ECE1: variants seen among roughly 807,000 people sequenced by gnomAD.
ECE1 encodes endothelin converting enzyme 1.
ECE1 carries 35 observed loss-of-function variants against 98.6 expected under a neutral mutation model. The ratio of observed to expected loss-of-function variants is 0.35; its 90% CI spans 0.27 to 0.47. The LOEUF (loss-of-function observed/expected upper bound fraction) is 0.47, where lower values mean the gene tolerates loss of function less well. ECE1 is among the 20% of genes least tolerant of loss of function. The pLI is 1.00. For synonymous variants in ECE1, 394 were observed against 407.1 expected, an observed-to-expected ratio of 0.97 and a Z score of 0.39; for missense variants, 814 against 1,025.3, an observed-to-expected ratio of 0.79 and a Z score of 2.81.
intron 6 of ECE1, 51 bp from the exon 7 acceptor site, chr1:21,257,641 C>T (rs919954847): frequency 1.3e-6 from 2 of 1,577,254 alleles, no homozygotes; most frequent in African/African-American, 1.3e-5. Flanking sequence ...ATGCGTGTAT[C>T]CACTGCACGG....
chr1:21,290,287 C>T lies in ECE1; in HGVS notation c.51+77G>A. 2 of 1,280,520 alleles carry T rather than the reference C, an allele frequency of 1.6e-6. No individual in the cohort carries two copies. Among genetic ancestry groups the T allele is most frequent in the Non-Finnish European group, 2.0e-6 (2 of 1,014,294 alleles). 79.3% of individuals were successfully genotyped at this position (1,280,520 alleles called of 1,614,324 possible). A position where few individuals can be genotyped will look rare whatever the true frequency, so the allele number is the denominator to read the frequency against. ...CGGCCTGGACACCCGAGACCGAGAC[C>T]GGCCCACGGAGCGGCCCGCGCGGGG... On this transcript the variant is annotated intron_variant, in intron 1 of 18. Coordinates refer to ENST00000374893, the MANE Select transcript of ECE1 (RefSeq NM_001397.3). This position sits in a 1 kb window ranked among gnomAD's most constrained non-coding sequence, Gnocchi z 7.3.
At chr1:21,326,111 C>T (rs926132918) in intron 1 of ECE1, among the ~76,000 whole-genome samples, 4 of 152,152 alleles carry the variant, frequency 2.6e-5, no homozygotes, top group Admixed American at 6.5e-5. Flanking sequence ...TTTCCTGCCT[C>T]CTCTCAGCCC....
chr1:21,292,656 C>A (rs1638233302), upstream of ECE1, among the ~76,000 whole-genome samples: 1 of 152,186 alleles, frequency 6.6e-6, no homozygotes, highest in Non-Finnish European at 1.5e-5. Flanking sequence ...TCTCCATCAC[C>A]CGGCACAGAG....
In ECE1 at chr1:21,345,238, G is replaced by C; in HGVS notation, c.3+138C>G. The stretch of plus-strand genomic sequence containing the variant: ...CTCCCCGACTCCACGCCTTCCGAGA[G>C]CCGGGCGGGGGCTGCTGCTGCAGCC... On this transcript the variant is annotated intron_variant, in intron 1 of 18. Coordinates refer to the ECE1 transcript ENST00000415912. This position sits in a 1 kb window ranked among gnomAD's most constrained non-coding sequence, Gnocchi z 5.1. The C allele has an allele frequency of 1.8e-6, 2 of 1,126,916 alleles. No homozygotes were observed. Among genetic ancestry groups the C allele is most frequent in the Non-Finnish European group, 2.2e-6 (2 of 912,308 alleles). The allele number at this position is 1,126,916 out of a possible 1,614,324, so 69.8% of individuals were successfully genotyped here. A position where few individuals can be genotyped will look rare whatever the true frequency, so the allele number is the denominator to read the frequency against.
At chr1:21,339,437 A>G (rs935107060) in intron 1 of ECE1, among the ~76,000 whole-genome samples, 2 of 152,084 alleles carry the variant, frequency 1.3e-5, no homozygotes, top group African/African-American at 4.8e-5. Context: ...AATAATCTAG[A>G]GGAATCGGGG....
chr1:21,328,385 G>C (rs1639127323), intron 1 of ECE1, among the ~76,000 whole-genome samples: 1 of 152,220 alleles, frequency 6.6e-6, no homozygotes, highest in Non-Finnish European at 1.5e-5. Flanking sequence ...CTGGCACATA[G>C]TGGGTCCTCA....
chr1:21,227,969 C>A lies in ECE1; in HGVS notation c.1743G>T (p.Gly581=). 6.4e-7 allele frequency: 1 copy of A among 1,558,572 alleles called. No individual in the cohort carries two copies. The highest frequency in any genetic ancestry group is 8.7e-7 in the Non-Finnish European group (1 of 1,150,212). Residue 581 remains glycine (G), a synonymous_variant, in exon 15 of 19, where the codon GGG becomes GGT. Coordinates refer to ENST00000374893, the MANE Select transcript of ECE1 (RefSeq NM_001397.3). ...GTGTGTAGAATGGTGCCTGCAGGAT[C>A]CCGGCCGGAAACACAATCTCATTCT... ...PTKNEIVFPA[G]ILQAPFYTRS...
intron 17 of ECE1, 91 bp from the exon 18 acceptor site, chr1:21,221,933 T>C: frequency 2.6e-6 from 3 of 1,160,660 alleles, no homozygotes; most frequent in Non-Finnish European, 3.9e-6. Context: ...CTCCCCCGTG[T>C]TGGGGCAAGG....
At chr1:21,306,346 T>C (rs78778088) in intron 1 of ECE1, among the ~76,000 whole-genome samples, 2 of 151,860 alleles carry the variant, frequency 1.3e-5, no homozygotes, top group East Asian at 3.9e-4. Context: ...TTTTTTTTTT[T>C]CAGATGGAGT....
At chr1:21,332,667 G>A (rs1331261095) in intron 1 of ECE1, among the ~76,000 whole-genome samples, 2 of 75,568 alleles carry the variant, frequency 2.6e-5, no homozygotes, top group African/African-American at 5.7e-5. Context: ...GGAGGAGAGC[G>A]GAGGAGACAG....
chr1:21,299,992 T>A (rs1638448918), intron 1 of ECE1, among the ~76,000 whole-genome samples: 1 of 152,138 alleles, frequency 6.6e-6, no homozygotes, highest in Non-Finnish European at 1.5e-5. Context: ...CTCAATGAGC[T>A]CATATCCTGA....
At chr1:21,311,509 C>CAAAAAAAAAAAAAA (rs397979522) in intron 1 of ECE1, among the ~76,000 whole-genome samples, 41 of 74,286 alleles carry the variant, frequency 5.5e-4, no homozygotes, top group South Asian at 1.2e-3. Context: ...CCTGTCTCCA[C>CAAAAAAAAAAAAAA]AAAAAAAAAA....
intron 2 of ECE1, among the ~76,000 whole-genome samples, chr1:21,285,796 A>C (rs1309092187): frequency 6.6e-6 from 1 of 151,986 alleles, no homozygotes; most frequent in Non-Finnish European, 1.5e-5. Context: ...GTTTGAGGCC[A>C]GGCTGGCCAA....
chr1:21,222,177 C>T, intron 17 of ECE1: 1 of 367,172 alleles, frequency 2.7e-6, no homozygotes, highest in South Asian at 2.4e-5. Flanking sequence ...TGTGCATGCA[C>T]ACACACACAC....
chr1:21,290,538 G>A (rs979179205), upstream of ECE1: 1 of 1,191,858 alleles, frequency 8.4e-7, no homozygotes, highest in Non-Finnish European at 1.0e-6. The surrounding 1 kb of genome is among the most constrained non-coding windows in gnomAD (Gnocchi z 7.3). Flanking sequence ...CCCAACCTCC[G>A]GCCTCCCGGG....
At chr1:21,251,283 C>T (rs2098212497) in intron 8 of ECE1, among the ~76,000 whole-genome samples, 1 of 152,142 alleles carries the variant, frequency 6.6e-6, no homozygotes, top group African/African-American at 2.4e-5. Context: ...GAGGCCAAGA[C>T]AGGAGAATCA....
chr1:21,227,871 TG>T, intron 15 of ECE1, 59 bp downstream of exon 15: 1 of 1,374,584 alleles, frequency 7.3e-7, no homozygotes, highest in East Asian at 2.5e-5. Flanking sequence ...TTAGGTCGTA[TG>T]GGCCCCAGGG....
At position 21,219,830 on chromosome 1, in the gene ECE1, A is replaced by G; in HGVS notation, c.*125T>C. 1 of 1,307,186 alleles carries G rather than the reference A, an allele frequency of 7.7e-7. No individual in the cohort carries two copies. The highest frequency in any genetic ancestry group is 1.1e-6 in the Non-Finnish European group (1 of 931,472). 81.0% of individuals were successfully genotyped at this position (1,307,186 alleles called of 1,614,324 possible). A position where few individuals can be genotyped will look rare whatever the true frequency, so the allele number is the denominator to read the frequency against. ...ACCATGGGCTCGGTTCCGGCTGAAA[A>G]CCCGCCAGTGTGAGGAAGCAGGGCC... is the stretch of plus-strand genomic sequence containing the variant. On this transcript the variant is annotated 3_prime_UTR_variant, in exon 19 of 19. Coordinates refer to ENST00000374893, the MANE Select transcript of ECE1 (RefSeq NM_001397.3). This position sits in a 1 kb window ranked among gnomAD's most constrained non-coding sequence, Gnocchi z 4.5.
At chr1:21,299,231 G>A (rs765480047) in intron 1 of ECE1, 3 of 209,206 alleles carry the variant, frequency 1.4e-5, no homozygotes, top group Non-Finnish European at 3.0e-5. Flanking sequence ...GTGGGTGAGG[G>A]CTGGGCAGAG....
Sources: allele counts gnomAD v4.1 joint callset (sites outside exome capture counted in the v4.1 genomes callset), GRCh38; gene constraint gnomAD v4.1.1; non-coding constraint Gnocchi (gnomAD v3.1); transcripts MANE v1.5; gene names NCBI Gene and HGNC (gene_info 2026-07-23, HGNC 2026-07-21).